The following AP3B1 variants were observed in gnomAD, a reference collection of about 807,000 sequenced individuals.
AP3B1 encodes adaptor related protein complex 3 subunit beta 1.
In AP3B1, 61 loss-of-function variants were observed where a neutral mutation model predicts 132.5. The ratio of observed to expected loss-of-function variants is 0.46; its 90% CI spans 0.37 to 0.57. AP3B1 has a LOEUF of 0.57. AP3B1 is among the 20% of genes least tolerant of loss of function. AP3B1 has a pLI of 0.00. For synonymous variants in AP3B1, 388 were observed against 438.3 expected (o/e 0.89, Z 1.43); for missense variants, 1,120 against 1,289.4 (o/e 0.87, Z 2.01).
At chr5:78,053,991 T>C (rs1748701652) in intron 22 of AP3B1, among the ~76,000 whole-genome samples, 1 of 152,200 alleles carries the variant, frequency 6.6e-6, no homozygotes, top group South Asian at 2.1e-4. Context: ...TTACTAGCCT[T>C]GTAACACCAG....
At chr5:78,280,683 AAACAAC>A (rs59326999) in intron 1 of AP3B1, among the ~76,000 whole-genome samples, 1 of 151,914 alleles carries the variant, frequency 6.6e-6, no homozygotes, top group Non-Finnish European at 1.5e-5. Context: ...TTCTTTAAAA[AAACAAC>A]AACAACAACA....
rs544570757 is a variant in AP3B1 at position 78,145,618 on chromosome 5, G to A, written c.1474-4299C>T. ...GAGGCAATTAACTTCACCTCACTGG[G>A]GTCATATTTACTTATTAATCAGATG... On this transcript the variant is annotated intron_variant, in intron 14 of 26. Transcript: ENST00000255194. 2.2e-4 allele frequency among the ~76,000 whole-genome samples: 33 copies of A among 152,210 alleles called. No individual in the cohort carries two copies. The South Asian group carries it at 6.9e-3, about 32-fold the overall frequency.
At chr5:78,111,819 A>G (rs1751604600) in intron 19 of AP3B1, among the ~76,000 whole-genome samples, 1 of 152,164 alleles carries the variant, frequency 6.6e-6, no homozygotes, top group Admixed American at 6.5e-5. Context: ...TAATTATCTA[A>G]TTTAAATGCA....
intron 17 of AP3B1, 76 bp downstream of exon 17, chr5:78,127,954 G>A (rs1752530630): frequency 1.3e-6 from 2 of 1,547,236 alleles, no homozygotes; most frequent in Non-Finnish European, 8.9e-7. Context: ...CTCCAAAAAA[G>A]CTTTTATATA....
intron 20 of AP3B1, among the ~76,000 whole-genome samples, chr5:78,108,904 T>C (rs1174460070): frequency 1.3e-5 from 2 of 152,164 alleles, no homozygotes; most frequent in Non-Finnish European, 2.9e-5. Flanking sequence ...TTACAAAATT[T>C]CCTAAGAATA....
In AP3B1 at chr5:78,291,677, T is replaced by G. The variant is rs559796433; in HGVS notation, c.128+2775A>C. The stretch of plus-strand genomic sequence containing the variant: ...GCAATCCTTAGATATGTCAAATTCA[T>G]GAAAGACAAAAAAGGCTAAGGAACT... On this transcript the variant is annotated intron_variant, in intron 1 of 26. Coordinates refer to ENST00000255194, the MANE Select transcript of AP3B1 (RefSeq NM_003664.5). Among the ~76,000 whole-genome samples the G allele has an allele frequency of 4.7e-4, 71 of 151,932 alleles. 2 individuals carry two copies. In the South Asian group the frequency reaches 6.8e-3, roughly 15 times the overall value.
At chr5:78,217,785 A>T (rs1311087400) in intron 6 of AP3B1, among the ~76,000 whole-genome samples, 1 of 152,056 alleles carries the variant, frequency 6.6e-6, no homozygotes, top group African/African-American at 2.4e-5. Flanking sequence ...AAGGGTGTTA[A>T]AGTGCAAAAA....
At chr5:78,006,911 G>A (rs1318162550) in intron 26 of AP3B1, among the ~76,000 whole-genome samples, 11 of 151,884 alleles carry the variant, frequency 7.2e-5, no homozygotes, top group African/African-American at 1.5e-4. Flanking sequence ...TAAGATTTAC[G>A]AAAAAGACAG....
At chr5:78,008,133 A>G (rs1746474618) in intron 26 of AP3B1, among the ~76,000 whole-genome samples, 1 of 152,140 alleles carries the variant, frequency 6.6e-6, no homozygotes, top group Non-Finnish European at 1.5e-5. Flanking sequence ...AGAAGACATA[A>G]AACATCCCAG....
intron 1 of AP3B1, among the ~76,000 whole-genome samples, chr5:78,282,765 A>G (rs1671940570): frequency 6.6e-6 from 1 of 151,646 alleles, no homozygotes; most frequent in African/African-American, 2.4e-5. Context: ...TACTCCTAGC[A>G]CTTTGGGAGG....
intron 1 of AP3B1, among the ~76,000 whole-genome samples, chr5:78,272,440 C>CTAA (rs1381141386): frequency 1.3e-5 from 2 of 152,106 alleles, no homozygotes; most frequent in Non-Finnish European, 2.9e-5. Context: ...TACATATGAC[C>CTAA]ATTACTCTTC....
At chr5:78,085,617 C>G (rs373907) in intron 22 of AP3B1, among the ~76,000 whole-genome samples, 26,170 of 152,068 alleles carry the variant, frequency 0.17, 2,875 homozygotes, top group Admixed American at 0.28. Context: ...AGTTCTAGTC[C>G]TTTTGCTCAT....
intron 22 of AP3B1, among the ~76,000 whole-genome samples, chr5:78,081,949 C>T (rs925990685): frequency 6.6e-6 from 1 of 151,888 alleles, no homozygotes; most frequent in Non-Finnish European, 1.5e-5. Flanking sequence ...TCAGGTTTGG[C>T]GTGCAGTGAC....
chr5:78,062,691 TG>T, intron 22 of AP3B1, among the ~76,000 whole-genome samples: 1 of 152,346 alleles, frequency 6.6e-6, no homozygotes, highest in East Asian at 1.9e-4. Flanking sequence ...GTTCTCTTTG[TG>T]GACATAGCAC....
chr5:78,019,004 G>GA (rs928020385), intron 25 of AP3B1, among the ~76,000 whole-genome samples: 2 of 152,102 alleles, frequency 1.3e-5, no homozygotes, highest in African/African-American at 4.8e-5. Flanking sequence ...CAGGAAGACA[G>GA]AAAGAATGAT....
chr5:78,186,530 G>A (rs1272256234), intron 7 of AP3B1, among the ~76,000 whole-genome samples: 1 of 152,160 alleles, frequency 6.6e-6, no homozygotes, highest in East Asian at 1.9e-4. Flanking sequence ...CTGTATCAAT[G>A]TCAATATCCT....
intron 2 of AP3B1, among the ~76,000 whole-genome samples, chr5:78,257,802 T>A (rs1738863776): frequency 6.6e-6 from 1 of 152,134 alleles, no homozygotes; most frequent in Admixed American, 6.6e-5. Flanking sequence ...AAACAGCATG[T>A]ACTGGCATAA....
chr5:78,095,938 T>C (rs1750752009), intron 21 of AP3B1, among the ~76,000 whole-genome samples: 1 of 152,204 alleles, frequency 6.6e-6, no homozygotes. Context: ...GGGATCAAAG[T>C]TCCCTTAAAA....
intron 3 of AP3B1, among the ~76,000 whole-genome samples, chr5:78,228,939 G>A (rs529210878): frequency 8.5e-5 from 13 of 152,208 alleles, no homozygotes; most frequent in South Asian, 2.1e-4. Context: ...TTTGGTTTTC[G>A]ATTTTTTTTC....
Sources: gnomAD v4.1 joint callset for allele counts (sites outside exome capture counted in the v4.1 genomes callset) on GRCh38, gnomAD v4.1.1 for gene constraint, MANE v1.5 for transcripts, NCBI Gene and HGNC (gene_info 2026-07-23, HGNC 2026-07-21) for gene names.